The following SMYD3 variants were observed in gnomAD, a reference collection of about 807,000 sequenced individuals.
SMYD3 encodes the protein histone-lysine N-methyltransferase SMYD3.
Under a neutral mutation model 57.7 loss-of-function variants are expected in SMYD3, and 36 were observed. That is an observed-to-expected ratio of 0.62 (90% confidence interval 0.48 to 0.82). The LOEUF is 0.82. SMYD3 is among the 40% of genes least tolerant of loss of function. The probability of loss-of-function intolerance (pLI) is 0.00; values close to 1 mark genes in which losing one functional copy is unlikely to be tolerated. For missense variants in SMYD3, 515 were observed against 538.8 expected (o/e 0.96, Z 0.44); for synonymous variants, 211 against 195.0 (o/e 1.08, Z -0.68).
Position 246,149,151 on chromosome 1 carries a change from CCT to C in SMYD3, c.531+178048_531+178049del, listed in dbSNP as rs934802198. The stretch of plus-strand genomic sequence containing the variant: ...TATGCAAGGCCTGATTTTTAAAATA[CCT>C]CTTTTTGCATTTCAATTAAATGATT... On this transcript the variant is annotated intron_variant, in intron 5 of 11. Transcript: ENST00000490107. Among the ~76,000 whole-genome samples, 78 of 152,296 alleles carry C rather than the reference CCT, an allele frequency of 5.1e-4. 1 individual carries two copies. The highest frequency in any genetic ancestry group is 1.5e-3 in the African/African-American group (61 of 41,556).
intron 1 of SMYD3, among the ~76,000 whole-genome samples, chr1:246,356,106 A>T (rs1295912919): frequency 6.7e-6 from 1 of 148,614 alleles, no homozygotes; most frequent in Non-Finnish European, 1.5e-5. Context: ...TGCTACCTCC[A>T]TCAGATCACA....
At chr1:246,501,780 T>C (rs4654272) in intron 1 of SMYD3, among the ~76,000 whole-genome samples, 32,518 of 152,158 alleles carry the variant, frequency 0.21, 3,625 homozygotes, top group Middle Eastern at 0.27. Flanking sequence ...AACTAACTGT[T>C]CCCACTTTAA....
chr1:246,090,666 C>T (rs900549001), intron 5 of SMYD3, among the ~76,000 whole-genome samples: 7 of 151,818 alleles, frequency 4.6e-5, no homozygotes, highest in Non-Finnish European at 8.8e-5. Context: ...CATGGGCGTG[C>T]CCCACCACAT....
intron 5 of SMYD3, among the ~76,000 whole-genome samples, chr1:246,307,521 G>A (rs1334130963): frequency 2.1e-5 from 3 of 145,212 alleles, no homozygotes; most frequent in Non-Finnish European, 4.5e-5. Flanking sequence ...CCGGGTTCAC[G>A]CCATTCTCCT....
At chr1:246,504,587 A>G (rs61839844) in intron 1 of SMYD3, among the ~76,000 whole-genome samples, 36,371 of 152,168 alleles carry the variant, frequency 0.24, 4,554 homozygotes, top group Middle Eastern at 0.31. Context: ...ATTATCATCA[A>G]TATCTGTTTT....
intron 11 of SMYD3, among the ~76,000 whole-genome samples, chr1:245,757,079 T>C (rs1411160332): frequency 6.6e-6 from 1 of 152,124 alleles, no homozygotes; most frequent in Non-Finnish European, 1.5e-5. Flanking sequence ...ACTATCCATA[T>C]AGCCATAACT....
intron 5 of SMYD3, among the ~76,000 whole-genome samples, chr1:246,226,489 T>C (rs1371180490): frequency 6.6e-6 from 1 of 152,224 alleles, no homozygotes; most frequent in Non-Finnish European, 1.5e-5. Flanking sequence ...ATTCAGTTAG[T>C]GGTATAGTTT....
chr1:246,505,249 C>G (rs1460023898), intron 1 of SMYD3, among the ~76,000 whole-genome samples: 1 of 152,044 alleles, frequency 6.6e-6, no homozygotes, highest in Non-Finnish European at 1.5e-5. Context: ...AGTGAGCCTG[C>G]CTTCTATCTT....
chr1:246,488,232 T>C (rs192212282), intron 1 of SMYD3, among the ~76,000 whole-genome samples: 1 of 152,340 alleles, frequency 6.6e-6, no homozygotes, highest in East Asian at 1.9e-4. Flanking sequence ...TCTAGAATCA[T>C]CTGCCAGCTT....
intron 5 of SMYD3, among the ~76,000 whole-genome samples, chr1:245,965,590 T>C (rs1321251000): frequency 1.3e-5 from 2 of 152,154 alleles, no homozygotes; most frequent in East Asian, 1.9e-4. Flanking sequence ...AAGGACATGG[T>C]AGAACCTTAA....
Position 245,760,869 on chromosome 1 carries a change from A to G in SMYD3, c.1185+3172T>C, listed in dbSNP as rs2045816226. On this transcript the variant is annotated intron_variant, in intron 11 of 11. Transcript: ENST00000490107. The stretch of plus-strand genomic sequence containing the variant: ...AACAAGAGTTCCTGTAACAATACCC[A>G]TCTTTAATAGTTTCAGAATGCTTGA... Among the ~76,000 whole-genome samples the G allele has an allele frequency of 2.0e-5, 3 of 152,220 alleles. No homozygotes were observed. In the South Asian group the frequency reaches 6.2e-4, roughly 32 times the overall value.
chr1:245,977,558 A>C (rs2058480315), intron 5 of SMYD3, among the ~76,000 whole-genome samples: 1 of 152,190 alleles, frequency 6.6e-6, no homozygotes, highest in Admixed American at 6.5e-5. Flanking sequence ...GCATGCCTGT[A>C]ATCCCAGCTA....
At chr1:246,486,144 T>C (rs926834085) in intron 1 of SMYD3, among the ~76,000 whole-genome samples, 4 of 152,232 alleles carry the variant, frequency 2.6e-5, no homozygotes, top group Admixed American at 2.6e-4. Context: ...TTCTTTTAAC[T>C]AATCTTATAA....
intron 5 of SMYD3, among the ~76,000 whole-genome samples, chr1:246,283,079 G>C (rs904898241): frequency 2.0e-5 from 3 of 152,126 alleles, no homozygotes; most frequent in African/African-American, 7.2e-5. Flanking sequence ...AGGTTCTTCT[G>C]CTCAACAATG....
chr1:246,274,684 A>C (rs1327544694), intron 5 of SMYD3, among the ~76,000 whole-genome samples: 1 of 152,152 alleles, frequency 6.6e-6, no homozygotes, highest in South Asian at 2.1e-4. Context: ...GCCTCCTAAC[A>C]GACACAGGCC....
chr1:246,097,075 T>C (rs1287039296), intron 5 of SMYD3, among the ~76,000 whole-genome samples: 3 of 152,214 alleles, frequency 2.0e-5, no homozygotes, highest in Non-Finnish European at 2.9e-5. Flanking sequence ...AAGTATTTCT[T>C]GGATTCTTAA....
At chr1:246,474,995 A>T (rs935491447) in intron 1 of SMYD3, among the ~76,000 whole-genome samples, 1 of 151,952 alleles carries the variant, frequency 6.6e-6, no homozygotes, top group Admixed American at 6.6e-5. Context: ...CCCAACTACA[A>T]CCTCACAGTG....
rs150323644 is a variant in SMYD3, at chr1:245,924,655, C to CT, written c.702+3275dup. On this transcript the variant is annotated intron_variant, in intron 7 of 11. Coordinates refer to ENST00000490107, the MANE Select transcript of SMYD3 (RefSeq NM_001167740.2). ...GTAAATGTCTGAGACTCTATTCCAG[C>CT]TTTTTTTTTTTTTTTTTTTTTTTCT... Among the ~76,000 whole-genome samples the CT allele has an allele frequency of 9.6e-3, 908 of 94,658 alleles. 24 individuals carry two copies. The highest frequency in any genetic ancestry group is 0.031 in the African/African-American group (808 of 26,126). The allele number at this position is 94,658 out of a possible 152,430, so 62.1% of individuals were successfully genotyped here.
At chr1:246,265,403 T>G (rs1448223426) in intron 5 of SMYD3, among the ~76,000 whole-genome samples, 2 of 152,138 alleles carry the variant, frequency 1.3e-5, no homozygotes, top group Non-Finnish European at 2.9e-5. Context: ...CCTCTCAAAG[T>G]GCTAGGATTA....
Sources: allele counts gnomAD v4.1 joint callset (sites outside exome capture counted in the v4.1 genomes callset), GRCh38; gene constraint gnomAD v4.1.1; transcripts MANE v1.5; gene names NCBI Gene and HGNC (gene_info 2026-07-23, HGNC 2026-07-21).